The following JARID2 variants were observed in gnomAD, a reference collection of about 807,000 sequenced individuals.
The protein encoded by JARID2 is jumonji and AT-rich interaction domain containing 2, also known as protein Jumonji.
JARID2 carries 21 observed loss-of-function variants against 125.6 expected under a neutral mutation model. The ratio of observed to expected loss-of-function variants is 0.17; its 90% CI spans 0.12 to 0.24. The LOEUF (loss-of-function observed/expected upper bound fraction) is 0.24, where lower values mean the gene tolerates loss of function less well. Ranked by LOEUF, JARID2 falls within the 10% of genes least tolerant of loss-of-function variation. JARID2 has a pLI of 1.00. For missense variants in JARID2, 1,303 were observed against 1,639.6 expected (o/e 0.79, Z 3.55); for synonymous variants, 736 against 661.6 (o/e 1.11, Z -1.73).
At chr6:15,373,323 AT>A (rs1764239054) in intron 1 of JARID2, among the ~76,000 whole-genome samples, 1 of 151,938 alleles carries the variant, frequency 6.6e-6, no homozygotes, top group Admixed American at 6.5e-5. Context: ...CTTTCTTTAT[AT>A]CTTTATGACT....
At chr6:15,366,432 C>T (rs912791472) in intron 1 of JARID2, among the ~76,000 whole-genome samples, 12 of 141,394 alleles carry the variant, frequency 8.5e-5, no homozygotes, top group African/African-American at 3.2e-4. Flanking sequence ...TCAGGAAAAG[C>T]ACTTCTTTTT....
intron 2 of JARID2, among the ~76,000 whole-genome samples, chr6:15,395,008 A>T (rs1335334477): frequency 2.6e-5 from 4 of 152,074 alleles, no homozygotes; most frequent in Non-Finnish European, 4.4e-5. Context: ...TAATTAAAAC[A>T]AGCTACATAG....
chr6:15,283,228 T>TC (rs1661675992), intron 1 of JARID2, among the ~76,000 whole-genome samples: 3 of 150,952 alleles, frequency 2.0e-5, no homozygotes, highest in Non-Finnish European at 4.4e-5. Context: ...TCTGCCCACC[T>TC]TGGCCTCCCA....
At chr6:15,365,978 G>A (rs1250335192) in intron 1 of JARID2, among the ~76,000 whole-genome samples, 1 of 152,002 alleles carries the variant, frequency 6.6e-6, no homozygotes, top group Non-Finnish European at 1.5e-5. Flanking sequence ...TTGTTAAAAG[G>A]GAAGAAAAGG....
chr6:15,311,741 T>TC (rs975210487), intron 1 of JARID2, among the ~76,000 whole-genome samples: 21 of 152,100 alleles, frequency 1.4e-4, no homozygotes, highest in Admixed American at 1.0e-3. Context: ...AACTGTTTTT[T>TC]TTTTTTCTTT....
chr6:15,453,168 C>T (rs913692819), intron 4 of JARID2, among the ~76,000 whole-genome samples: 2 of 152,168 alleles, frequency 1.3e-5, no homozygotes, highest in African/African-American at 2.4e-5. Context: ...CCATGCAGTC[C>T]TCAAACCTCT....
chr6:15,340,485 C>T (rs1449205247), intron 1 of JARID2, among the ~76,000 whole-genome samples: 1 of 152,146 alleles, frequency 6.6e-6, no homozygotes, highest in Non-Finnish European at 1.5e-5. Context: ...AGTTGTGATT[C>T]CTTGACTAGA....
chr6:15,348,114 T>TG (rs1430040771), intron 1 of JARID2, among the ~76,000 whole-genome samples: 12 of 151,050 alleles, frequency 7.9e-5, no homozygotes, highest in African/African-American at 2.9e-4. Flanking sequence ...TTTTTTGAGA[T>TG]GGAGTCTAGC....
At chr6:15,274,795 GTT>G (rs1232611275) in intron 1 of JARID2, among the ~76,000 whole-genome samples, 3 of 152,154 alleles carry the variant, frequency 2.0e-5, no homozygotes, top group Non-Finnish European at 4.4e-5. Flanking sequence ...CCCTTTCCCA[GTT>G]TTCTCCTGAT....
intron 3 of JARID2, among the ~76,000 whole-genome samples, chr6:15,437,253 T>C (rs1767248758): frequency 1.3e-5 from 2 of 152,158 alleles, no homozygotes; most frequent in South Asian, 4.1e-4. Context: ...CTTTATGTTG[T>C]GAGGCTGTGA....
intron 1 of JARID2, among the ~76,000 whole-genome samples, chr6:15,307,147 C>T (rs1013451995): frequency 8.6e-5 from 13 of 151,876 alleles, no homozygotes; most frequent in Admixed American, 3.9e-4. Context: ...GAGGCTGAGG[C>T]GGGAGAATCG....
At chr6:15,291,251 A>C (rs1263244165) in intron 1 of JARID2, among the ~76,000 whole-genome samples, 1 of 152,158 alleles carries the variant, frequency 6.6e-6, no homozygotes, top group Non-Finnish European at 1.5e-5. Context: ...ATAAAAATTC[A>C]CATGAGAAGA....
chr6:15,436,381 G>A (rs762823586), intron 3 of JARID2, among the ~76,000 whole-genome samples: 3 of 152,308 alleles, frequency 2.0e-5, no homozygotes, highest in East Asian at 1.9e-4. Context: ...GCTCTTCTGC[G>A]GCCGTGCTCT....
At chr6:15,311,132 G>A (rs1235953998) in intron 1 of JARID2, among the ~76,000 whole-genome samples, 1 of 152,118 alleles carries the variant, frequency 6.6e-6, no homozygotes, top group Non-Finnish European at 1.5e-5. Flanking sequence ...CGTATCAATG[G>A]GGCTTGTGAC....
At chr6:15,500,123 C>T (rs1334087105) in intron 7 of JARID2, among the ~76,000 whole-genome samples, 1 of 152,200 alleles carries the variant, frequency 6.6e-6, no homozygotes, top group Non-Finnish European at 1.5e-5. Context: ...TTGCTTTCTC[C>T]ATTCCCATCT....
At chr6:15,398,182 A>G (rs1040302411) in intron 2 of JARID2, among the ~76,000 whole-genome samples, 5 of 152,230 alleles carry the variant, frequency 3.3e-5, no homozygotes, top group African/African-American at 1.2e-4. Context: ...GTTATGTTTG[A>G]GTAGTTTGGT....
chr6:15,250,626 G>A (rs1326901647), intron 1 of JARID2, among the ~76,000 whole-genome samples: 1 of 152,134 alleles, frequency 6.6e-6, no homozygotes, highest in African/African-American at 2.4e-5. Context: ...AATCCAACTT[G>A]GTTTATTATC....
rs1770407869 is a variant in JARID2 at position 15,496,144 on chromosome 6, A to G, written c.919A>G (p.Asn307Asp). 6.2e-7 allele frequency: 1 copy of G among 1,611,668 alleles called. No homozygotes were observed. The highest frequency in any genetic ancestry group is 8.5e-7 in the Non-Finnish European group (1 of 1,178,306). Residue 307 changes from asparagine to aspartate, a missense_variant, in exon 7 of 18, where the codon AAC (asparagine) becomes GAC (aspartate). Transcript: ENST00000341776. ...QDLRKQVSKV[N>D]GVTRMSSLGA... ...TGCTGCTCCACAGGTTTCTAAGGTAAACGGAGTCACTCGAATGTCATCTCT... is the reference window on the plus strand; with the variant it reads ...TGCTGCTCCACAGGTTTCTAAGGTAGACGGAGTCACTCGAATGTCATCTCT...
At chr6:15,302,386 T>G (rs1000215727) in intron 1 of JARID2, among the ~76,000 whole-genome samples, 7 of 151,734 alleles carry the variant, frequency 4.6e-5, no homozygotes, top group Non-Finnish European at 1.0e-4. Flanking sequence ...CTGCACTCCA[T>G]CCTGGGCGAC....
Sources: allele counts gnomAD v4.1 joint callset (sites outside exome capture counted in the v4.1 genomes callset), GRCh38; gene constraint gnomAD v4.1.1; transcripts MANE v1.5; gene names NCBI Gene and HGNC (gene_info 2026-07-23, HGNC 2026-07-21).